Variants in CEP63 observed in about 807,000 individuals in gnomAD.
CEP63 encodes centrosomal protein 63.
A neutral mutation model predicts 89.1 loss-of-function variants in CEP63; 84 were observed. The ratio of observed to expected loss-of-function variants is 0.94; its 90% CI spans 0.79 to 1.13. The LOEUF (loss-of-function observed/expected upper bound fraction) is 1.13. CEP63 is among the 50% of genes most tolerant of loss of function. The pLI is 0.00. For missense variants in CEP63, 838 were observed against 813.3 expected, an observed-to-expected ratio of 1.03 and a Z score of -0.37; for synonymous variants, 267 against 272.5, an observed-to-expected ratio of 0.98 and a Z score of 0.20.
chr3:134,644,209 TTC>T, the CEP63 span, among the ~76,000 whole-genome samples: 1 of 152,194 alleles, frequency 6.6e-6, no homozygotes, highest in Non-Finnish European at 1.5e-5. Context: ...TGTAGTTTGG[TTC>T]TGTTTCACAA....
At chr3:134,672,275 T>C in the CEP63 span, among the ~76,000 whole-genome samples, 3 of 152,328 alleles carry the variant, frequency 2.0e-5, no homozygotes, top group South Asian at 2.1e-4. Context: ...TTCTGAGGAA[T>C]AAATGAGATT....
chr3:134,643,310 A>G, the CEP63 span: 1 of 1,613,728 alleles, frequency 6.2e-7, no homozygotes, highest in Non-Finnish European at 8.5e-7. Flanking sequence ...GCGGCGAATC[A>G]CTTACCTTGG....
At chr3:134,744,179 A>G in the CEP63 span, among the ~76,000 whole-genome samples, 1 of 152,170 alleles carries the variant, frequency 6.6e-6, no homozygotes, top group Non-Finnish European at 1.5e-5. Flanking sequence ...GAGGAGGTGT[A>G]TTGTCCAGAC....
the CEP63 span, among the ~76,000 whole-genome samples, chr3:134,726,479 C>CAA: frequency 6.8e-6 from 1 of 147,348 alleles, no homozygotes; most frequent in South Asian, 2.1e-4. Context: ...CACACACACA[C>CAA]ACACACACAC....
the CEP63 span, chr3:134,610,288 C>T: frequency 1.2e-6 from 2 of 1,613,880 alleles, no homozygotes; most frequent in Admixed American, 3.3e-5. Flanking sequence ...CACAGCATTC[C>T]AGGCATGGTC....
intron 3 of CEP63, among the ~76,000 whole-genome samples, chr3:134,510,090 A>G (rs576485671): frequency 5.7e-4 from 87 of 152,312 alleles, no homozygotes; most frequent in African/African-American, 1.9e-3. Flanking sequence ...AATACTTTAC[A>G]TTTTGTGAAA....
At chr3:134,771,710 A>C in the CEP63 span, among the ~76,000 whole-genome samples, 1 of 152,214 alleles carries the variant, frequency 6.6e-6, no homozygotes, top group Non-Finnish European at 1.5e-5. Context: ...GGGTGCAGCA[A>C]ACCACCACGG....
the CEP63 span, among the ~76,000 whole-genome samples, chr3:134,611,339 C>A: frequency 6.6e-6 from 1 of 152,192 alleles, no homozygotes; most frequent in East Asian, 1.9e-4. Flanking sequence ...CAGGCCTGGG[C>A]TGTGGGCACC....
intron 12 of CEP63, among the ~76,000 whole-genome samples, chr3:134,557,908 C>G (rs1216319199): frequency 6.6e-6 from 1 of 152,134 alleles, no homozygotes; most frequent in Non-Finnish European, 1.5e-5. Context: ...CTTCCTCCAC[C>G]TTCTTGGAAT....
downstream of CEP63, among the ~76,000 whole-genome samples, chr3:134,577,022 G>A (rs1958230080): frequency 6.6e-6 from 1 of 152,326 alleles, no homozygotes; most frequent in African/African-American, 2.4e-5. Flanking sequence ...TCACACTAGT[G>A]TTGGCGTAGT....
intron 2 of CEP63, among the ~76,000 whole-genome samples, chr3:134,503,100 C>CTTTTTT (rs34673408): frequency 1.9e-3 from 172 of 91,960 alleles, no homozygotes; most frequent in South Asian, 2.6e-3. Flanking sequence ...TGATTTCAAT[C>CTTTTTT]TTTTTTTTTT....
the CEP63 span, among the ~76,000 whole-genome samples, chr3:134,623,891 AGGCCCTAT>A: frequency 6.6e-6 from 1 of 152,148 alleles, no homozygotes; most frequent in African/African-American, 2.4e-5. Context: ...TGATGGCTCC[AGGCCCTAT>A]GGGCTTCCTC....
In CEP63 at chr3:134,547,411, T is replaced by C; in HGVS notation, c.1006T>C (p.Leu336=). Residue 336 remains leucine (L), a synonymous_variant, in exon 9 of 15, where the codon TTG becomes CTG. Coordinates refer to ENST00000675561, the MANE Select transcript of CEP63 (RefSeq NM_001353108.3). ...GGACTTAGACAGTGTGCTCTCCCAG[T>C]TGAATTTTACCCATACTAGTGAGGA... The part of the protein sequence containing the change: ...QGDLDSVLSQ[L]NFTHTSEDLL... 6.2e-7 allele frequency: 1 copy of C among 1,613,884 alleles called. No individual in the cohort carries two copies. Among genetic ancestry groups the C allele is most frequent in the African/African-American group, 1.3e-5 (1 of 75,036 alleles).
the CEP63 span, among the ~76,000 whole-genome samples, chr3:134,657,653 T>G: frequency 6.6e-6 from 1 of 152,214 alleles, no homozygotes; most frequent in Non-Finnish European, 1.5e-5. Flanking sequence ...TGACTACATT[T>G]CTGGTTATTT....
chr3:134,503,100 C>CTTTTTTTTTTTTTTTTTTTTTTTTTTT (rs34673408), intron 2 of CEP63, among the ~76,000 whole-genome samples: 1 of 92,018 alleles, frequency 1.1e-5, no homozygotes, highest in Non-Finnish European at 2.0e-5. Flanking sequence ...TGATTTCAAT[C>CTTTTTTTTTTTTTTTTTTTTTTTTTTT]TTTTTTTTTT....
the CEP63 span, among the ~76,000 whole-genome samples, chr3:134,710,080 G>A: frequency 4.6e-5 from 7 of 152,226 alleles, no homozygotes; most frequent in African/African-American, 1.7e-4. Context: ...ATGGAGGGGT[G>A]GGGACCCACG....
the CEP63 span, among the ~76,000 whole-genome samples, chr3:134,628,963 G>C: frequency 9.8e-5 from 15 of 152,332 alleles, no homozygotes; most frequent in Admixed American, 7.2e-4. Flanking sequence ...GAGGACTTGA[G>C]CCTCAGTTGT....
chr3:134,671,217 C>G, the CEP63 span, among the ~76,000 whole-genome samples: 1 of 152,156 alleles, frequency 6.6e-6, no homozygotes. Context: ...CATTATCCTA[C>G]GCGATCTAAC....
the CEP63 span, chr3:134,651,305 C>G: frequency 1.2e-5 from 14 of 1,182,906 alleles, no homozygotes; most frequent in Middle Eastern, 1.2e-3. Context: ...GCACTTGAAG[C>G]GCTGGTCCTG....
Sources: allele counts gnomAD v4.1 joint callset (sites outside exome capture counted in the v4.1 genomes callset), GRCh38; gene constraint gnomAD v4.1.1; transcripts MANE v1.5; gene names NCBI Gene and HGNC (gene_info 2026-07-23, HGNC 2026-07-21).